BTRC: variants seen among roughly 807,000 people sequenced by gnomAD.
BTRC encodes beta-transducin repeat containing E3 ubiquitin protein ligase.
Under a neutral mutation model 85.5 loss-of-function variants are expected in BTRC, and 42 were observed. The ratio of observed to expected loss-of-function variants is 0.49; its 90% CI spans 0.38 to 0.64. The LOEUF is 0.64. Among genes scored for constraint, BTRC ranks in the 30% least tolerant of loss-of-function variants. The probability of loss-of-function intolerance (pLI) is 0.00; values close to 1 mark genes in which losing one functional copy is unlikely to be tolerated. For synonymous variants in BTRC, 255 were observed against 263.3 expected, an observed-to-expected ratio of 0.97 and a Z score of 0.30; for missense variants, 594 against 743.5, an observed-to-expected ratio of 0.80 and a Z score of 2.34.
intron 1 of BTRC, among the ~76,000 whole-genome samples, chr10:101,423,065 AT>A (rs1326264270): frequency 6.6e-6 from 1 of 151,660 alleles, no homozygotes; most frequent in Non-Finnish European, 1.5e-5. Context: ...ATTAAGTTAA[AT>A]TTTTTTTATT....
intron 4 of BTRC, among the ~76,000 whole-genome samples, chr10:101,484,912 G>C (rs1048867817): frequency 6.6e-6 from 1 of 152,166 alleles, no homozygotes; most frequent in Non-Finnish European, 1.5e-5. Flanking sequence ...AGTTCACTTT[G>C]CATTAATAAG....
chr10:101,403,673 C>G (rs1270976863), intron 1 of BTRC, among the ~76,000 whole-genome samples: 1 of 152,070 alleles, frequency 6.6e-6, no homozygotes, highest in African/African-American at 2.4e-5. Context: ...TCACTGCAGC[C>G]TCGACCTCTC....
At chr10:101,476,116 A>T (rs1945680535) in intron 3 of BTRC, among the ~76,000 whole-genome samples, 1 of 151,852 alleles carries the variant, frequency 6.6e-6, no homozygotes, top group African/African-American at 2.4e-5. Flanking sequence ...TCCCCAAAAT[A>T]ACCTCAATCT....
chr10:101,550,576 C>T, intron 13 of BTRC, 123 bp from the exon 14 acceptor site: 1 of 1,020,598 alleles, frequency 9.8e-7, no homozygotes, highest in Non-Finnish European at 1.5e-6. Flanking sequence ...GCCACTGCGC[C>T]TGGCCTCTTT....
chr10:101,535,590 C>A, intron 11 of BTRC, 118 bp downstream of exon 11: 2 of 674,360 alleles, frequency 3.0e-6, no homozygotes. Flanking sequence ...TTTTTCCTTT[C>A]TGTAGCTTCT....
intron 1 of BTRC, among the ~76,000 whole-genome samples, chr10:101,417,246 C>T (rs187151175): frequency 6.8e-4 from 104 of 152,276 alleles, no homozygotes; most frequent in Non-Finnish European, 1.3e-3. Flanking sequence ...ATATCTAGTT[C>T]AGGATCACAT....
At chr10:101,513,895 A>G (rs1442513137) in intron 4 of BTRC, among the ~76,000 whole-genome samples, 1 of 152,228 alleles carries the variant, frequency 6.6e-6, no homozygotes, top group African/African-American at 2.4e-5. Flanking sequence ...GACTGCCAAC[A>G]ATGTGTGAGA....
intron 4 of BTRC, among the ~76,000 whole-genome samples, chr10:101,486,635 T>G (rs1234625857): frequency 6.6e-6 from 1 of 152,204 alleles, no homozygotes; most frequent in African/African-American, 2.4e-5. Context: ...TCGGTTTCTA[T>G]TATTTATACC....
At chr10:101,390,885 A>G (rs537286654) in intron 1 of BTRC, among the ~76,000 whole-genome samples, 1 of 152,314 alleles carries the variant, frequency 6.6e-6, no homozygotes, top group South Asian at 2.1e-4. Context: ...GAGGTGCATC[A>G]GTTAAGATAG....
intron 1 of BTRC, among the ~76,000 whole-genome samples, chr10:101,366,737 G>C (rs1942386140): frequency 7.7e-6 from 1 of 130,640 alleles, no homozygotes. Flanking sequence ...ATATAAATTG[G>C]AGGCCCAGGG....
intron 4 of BTRC, among the ~76,000 whole-genome samples, chr10:101,515,416 T>C (rs772663113): frequency 2.3e-4 from 35 of 152,220 alleles, no homozygotes; most frequent in Non-Finnish European, 1.0e-4. Flanking sequence ...ATCCAATTTC[T>C]GAATACAGTG....
intron 4 of BTRC, among the ~76,000 whole-genome samples, chr10:101,501,175 G>A (rs895970178): frequency 6.8e-6 from 1 of 146,058 alleles, no homozygotes; most frequent in Non-Finnish European, 1.5e-5. Context: ...GCAACAGAGT[G>A]AGACTGCGTC....
chr10:101,538,672 G>A (rs1589615966), intron 13 of BTRC, among the ~76,000 whole-genome samples: 2 of 152,244 alleles, frequency 1.3e-5, no homozygotes, highest in East Asian at 3.9e-4. Context: ...GAAACAGCAG[G>A]GGGTACTAAG....
chr10:101,454,312 G>A (rs920392232), intron 2 of BTRC, among the ~76,000 whole-genome samples: 1 of 152,234 alleles, frequency 6.6e-6, no homozygotes, highest in African/African-American at 2.4e-5. Context: ...TTAAGTGCCT[G>A]TTGTGTGGAT....
chr10:101,442,749 A>T (rs567609293), intron 2 of BTRC, among the ~76,000 whole-genome samples: 1 of 152,268 alleles, frequency 6.6e-6, no homozygotes, highest in South Asian at 2.1e-4. Context: ...AGGATAAATG[A>T]TACAGGGCTT....
At chr10:101,481,910 T>C (rs1008033357) in intron 4 of BTRC, among the ~76,000 whole-genome samples, 5 of 152,248 alleles carry the variant, frequency 3.3e-5, no homozygotes, top group African/African-American at 9.6e-5. Flanking sequence ...TGCTTCAGAT[T>C]TGAGCCAAAT....
chr10:101,373,939 GA>G (rs576923560), intron 1 of BTRC, among the ~76,000 whole-genome samples: 107 of 124,058 alleles, frequency 8.6e-4, no homozygotes, highest in East Asian at 9.9e-4. Context: ...AAACAAGACA[GA>G]AAAAAAAAAA....
At chr10:101,383,399 A>G (rs1211453539) in intron 1 of BTRC, among the ~76,000 whole-genome samples, 1 of 141,514 alleles carries the variant, frequency 7.1e-6, no homozygotes, top group East Asian at 2.3e-4. Flanking sequence ...TTCCTTTTTA[A>G]AAAAAAAAAA....
intron 7 of BTRC, 51 bp downstream of exon 7, chr10:101,531,384 C>T: frequency 7.4e-7 from 1 of 1,349,362 alleles, no homozygotes; most frequent in Non-Finnish European, 1.1e-6. Context: ...GAATTATCAG[C>T]ATTCTTCAGT....
Sources: gnomAD v4.1 joint callset for allele counts (sites outside exome capture counted in the v4.1 genomes callset) on GRCh38, gnomAD v4.1.1 for gene constraint, MANE v1.5 for transcripts, NCBI Gene and HGNC (gene_info 2026-07-23, HGNC 2026-07-21) for gene names.